Variants in IQCM observed in about 807,000 individuals in gnomAD.
The protein encoded by IQCM is IQ domain-containing protein M.
Under a neutral mutation model 57.6 loss-of-function variants are expected in IQCM, and 45 were observed. The ratio of observed to expected loss-of-function variants is 0.78; its 90% CI spans 0.62 to 1.00. The LOEUF (loss-of-function observed/expected upper bound fraction) is 1.00. Among genes scored for constraint, IQCM ranks in the 50% least tolerant of loss-of-function variants. IQCM has a pLI of 0.00. For synonymous variants in IQCM, 148 were observed against 158.9 expected (o/e 0.93, Z 0.51); for missense variants, 468 against 511.6 (o/e 0.91, Z 0.82).
chr4:149,434,902 C>T lies in IQCM; in HGVS notation c.1229-1345G>A, dbSNP rs565177002. On this transcript the variant is annotated intron_variant, in intron 12 of 13. Transcript: ENST00000636793. Reference sequence around the variant, plus strand: ...CACCAGTGCAGCACCTTCCTATGAACGGCTTCCCACTGAGTTCCACAATGT... The same window carrying T: ...CACCAGTGCAGCACCTTCCTATGAATGGCTTCCCACTGAGTTCCACAATGT... Among the ~76,000 whole-genome samples, 7 of 152,106 alleles carry T rather than the reference C, an allele frequency of 4.6e-5. No homozygotes were observed. The South Asian group carries it at 8.3e-4, about 18-fold the overall frequency.
intron 12 of IQCM, among the ~76,000 whole-genome samples, chr4:149,449,212 A>C (rs1412814561): frequency 2.2e-5 from 3 of 137,022 alleles, no homozygotes; most frequent in African/African-American, 5.2e-5. Flanking sequence ...ACACCAATTT[A>C]ACAAGTATCT....
At chr4:149,422,039 A>G (rs2111221667) in intron 13 of IQCM, among the ~76,000 whole-genome samples, 1 of 152,176 alleles carries the variant, frequency 6.6e-6, no homozygotes, top group Non-Finnish European at 1.5e-5. Context: ...GAGGACAACT[A>G]TAAAAATTCC....
At position 149,521,342 on chromosome 4, in the gene IQCM, G is replaced by C. The variant is rs371214747; in HGVS notation, c.1228+27113C>G. Among the ~76,000 whole-genome samples the C allele has an allele frequency of 3.3e-5, 5 of 151,624 alleles. No individual in the cohort carries two copies. The East Asian group carries it at 9.7e-4, about 29-fold the overall frequency. ...GCAAGGTAAGCGGAAGGGAGGGAGGGGAAAAATAAAAGGAAAAATGCATTT... is the reference window on the plus strand; with the variant it reads ...GCAAGGTAAGCGGAAGGGAGGGAGGCGAAAAATAAAAGGAAAAATGCATTT... On this transcript the variant is annotated intron_variant, in intron 12 of 13. Coordinates refer to ENST00000636793, the MANE Select transcript of IQCM (RefSeq NM_001363507.2).
At chr4:149,541,882 T>C (rs1424360182) in intron 12 of IQCM, among the ~76,000 whole-genome samples, 3 of 152,082 alleles carry the variant, frequency 2.0e-5, no homozygotes, top group Non-Finnish European at 4.4e-5. Flanking sequence ...TCAGGTGAAA[T>C]ATTCTACTGG....
chr4:149,355,210 T>A (rs1481333613), intron 13 of IQCM, among the ~76,000 whole-genome samples: 1 of 152,150 alleles, frequency 6.6e-6, no homozygotes, highest in Non-Finnish European at 1.5e-5. Flanking sequence ...ACACATAATA[T>A]ATCTTTAATC....
chr4:149,742,912 T>C (rs1327440325), intron 2 of IQCM, among the ~76,000 whole-genome samples, 173 bp from the exon 3 acceptor site: 1 of 152,136 alleles, frequency 6.6e-6, no homozygotes, highest in Non-Finnish European at 1.5e-5. Flanking sequence ...ATAGCTAGCA[T>C]TGGGTAGGGC....
At chr4:149,756,324 A>G (rs565796693) in intron 2 of IQCM, among the ~76,000 whole-genome samples, 1 of 152,358 alleles carries the variant, frequency 6.6e-6, no homozygotes, top group African/African-American at 2.4e-5. Flanking sequence ...AACTTTGATA[A>G]AAGAACTCTT....
chr4:149,368,001 A>AT (rs1729960784), intron 13 of IQCM, among the ~76,000 whole-genome samples: 1 of 151,944 alleles, frequency 6.6e-6, no homozygotes. Flanking sequence ...CTTGTTCTCT[A>AT]TTTTAAGTAG....
chr4:149,621,296 A>G, intron 7 of IQCM, 52 bp from the exon 8 acceptor site: 1 of 801,342 alleles, frequency 1.2e-6, no homozygotes, highest in African/African-American at 1.8e-5. Context: ...GGAAAAGTAC[A>G]CACTGATTAT....
intron 8 of IQCM, among the ~76,000 whole-genome samples, chr4:149,612,313 A>C (rs1755367971): frequency 6.6e-6 from 1 of 152,146 alleles, no homozygotes; most frequent in Admixed American, 6.6e-5. Flanking sequence ...TAAAGCTCCA[A>C]AGCACATTCA....
chr4:149,391,982 T>C (rs2111089007), intron 13 of IQCM, among the ~76,000 whole-genome samples: 1 of 152,118 alleles, frequency 6.6e-6, no homozygotes, highest in East Asian at 1.9e-4. Flanking sequence ...TAGATGTCTA[T>C]TAAAGTCTAG....
At chr4:149,604,873 G>T (rs764842395) in intron 8 of IQCM, among the ~76,000 whole-genome samples, 1 of 152,100 alleles carries the variant, frequency 6.6e-6, no homozygotes, top group Non-Finnish European at 1.5e-5. Context: ...AGGTGATGGG[G>T]GGTGGGAGGA....
At chr4:149,602,048 A>G (rs1051502556) in intron 8 of IQCM, among the ~76,000 whole-genome samples, 4 of 151,494 alleles carry the variant, frequency 2.6e-5, no homozygotes, top group Non-Finnish European at 5.9e-5. Flanking sequence ...AAAAAAAAAA[A>G]AAAAAAAGAA....
At chr4:149,770,126 T>A (rs1770432552) in intron 2 of IQCM, among the ~76,000 whole-genome samples, 1 of 147,212 alleles carries the variant, frequency 6.8e-6, no homozygotes, top group Non-Finnish European at 1.5e-5. Flanking sequence ...GAAGACACAA[T>A]AAAAAAAGGG....
Position 149,509,735 on chromosome 4 carries a change from A to G in IQCM, c.1228+38720T>C, listed in dbSNP as rs1006207699. Among the ~76,000 whole-genome samples, 6 of 152,212 alleles carry G rather than the reference A, an allele frequency of 3.9e-5. No homozygotes were observed. The South Asian group carries it at 1.2e-3, about 32-fold the overall frequency. On this transcript the variant is annotated intron_variant, in intron 12 of 13. Transcript: ENST00000636793. ...TGTGTATATAAATATATATCATTAA[A>G]TTTATAAAAGGCAATTGTATTTTAT... is the stretch of plus-strand genomic sequence containing the variant.
At chr4:149,427,201 C>A (rs1207342989) in intron 13 of IQCM, among the ~76,000 whole-genome samples, 1 of 151,938 alleles carries the variant, frequency 6.6e-6, no homozygotes, top group African/African-American at 2.4e-5. Flanking sequence ...TTTATATCTG[C>A]TAGAATGTGA....
intron 5 of IQCM, among the ~76,000 whole-genome samples, chr4:149,727,775 C>A (rs1192816884): frequency 6.6e-6 from 1 of 152,058 alleles, no homozygotes; most frequent in Non-Finnish European, 1.5e-5. Context: ...GGACCAGTAA[C>A]CCTAGCAGTG....
At chr4:149,490,920 G>A (rs151279808) in intron 12 of IQCM, among the ~76,000 whole-genome samples, 62 of 152,252 alleles carry the variant, frequency 4.1e-4, no homozygotes, top group Admixed American at 1.8e-3. Flanking sequence ...AGCCTATGAG[G>A]AAACAGAAGG....
intron 12 of IQCM, among the ~76,000 whole-genome samples, chr4:149,446,212 C>G (rs1736490359): frequency 6.6e-6 from 1 of 151,650 alleles, no homozygotes; most frequent in Admixed American, 6.6e-5. Flanking sequence ...GCTGTTCACA[C>G]TCTCTCATTT....
Sources: allele counts gnomAD v4.1 joint callset (sites outside exome capture counted in the v4.1 genomes callset), GRCh38; gene constraint gnomAD v4.1.1; transcripts MANE v1.5; gene names NCBI Gene and HGNC (gene_info 2026-07-23, HGNC 2026-07-21).